The following LARGE1 variants were observed in gnomAD, a reference collection of about 807,000 sequenced individuals.
LARGE1 encodes LARGE xylosyl- and glucuronyltransferase 1.
LARGE1 carries 43 observed loss-of-function variants against 87.6 expected under a neutral mutation model. That is an observed-to-expected ratio of 0.49 (90% CI 0.38 to 0.63). The LOEUF is 0.63. Ranked by LOEUF, LARGE1 falls within the 30% of genes least tolerant of loss-of-function variation. LARGE1 has a pLI of 0.00. For missense variants in LARGE1, 802 were observed against 1,000.2 expected (o/e 0.80, Z 2.67); for synonymous variants, 434 against 394.6 (o/e 1.10, Z -1.18).
At chr22:33,394,821 A>T (rs1016937899) in intron 7 of LARGE1, among the ~76,000 whole-genome samples, 6 of 151,924 alleles carry the variant, frequency 3.9e-5, no homozygotes, top group Admixed American at 2.0e-4. Context: ...GCCAAAACAA[A>T]AGAGTAGCTC....
At chr22:33,501,857 T>C (rs915757842) in intron 6 of LARGE1, among the ~76,000 whole-genome samples, 14 of 152,128 alleles carry the variant, frequency 9.2e-5, no homozygotes, top group African/African-American at 3.1e-4. Context: ...ATGACAACCA[T>C]GTGCTATGAA....
intron 1 of LARGE1, among the ~76,000 whole-genome samples, chr22:33,817,380 T>C (rs573283205): frequency 6.6e-6 from 1 of 152,324 alleles, no homozygotes; most frequent in East Asian, 1.9e-4. Context: ...GAAATAGCTC[T>C]ATGAGGGAGT....
intron 6 of LARGE1, among the ~76,000 whole-genome samples, chr22:33,457,725 C>T (rs937884439): frequency 6.6e-6 from 1 of 152,084 alleles, no homozygotes; most frequent in Non-Finnish European, 1.5e-5. Context: ...GAGCCAAAGC[C>T]TTACAAGGGA....
chr22:33,701,123 C>T (rs2082393802), intron 2 of LARGE1, among the ~76,000 whole-genome samples: 1 of 152,060 alleles, frequency 6.6e-6, no homozygotes, highest in African/African-American at 2.4e-5. Flanking sequence ...ACCTGGATCA[C>T]ACTCGGAGTG....
chr22:33,842,486 T>C (rs1351692921), intron 1 of LARGE1, among the ~76,000 whole-genome samples: 2 of 152,198 alleles, frequency 1.3e-5, no homozygotes, highest in East Asian at 3.8e-4. Context: ...TGAGCAATTG[T>C]ACATTGCTTC....
At chr22:33,583,619 C>T (rs743730) in intron 5 of LARGE1, among the ~76,000 whole-genome samples, 29,049 of 152,158 alleles carry the variant, frequency 0.19, 2,822 homozygotes, top group Middle Eastern at 0.29. Flanking sequence ...CCATCTTCTG[C>T]CCCTGAGCCC....
chr22:33,323,582 C>T (rs778091000), intron 10 of LARGE1, among the ~76,000 whole-genome samples: 1 of 151,824 alleles, frequency 6.6e-6, no homozygotes, highest in Non-Finnish European at 1.5e-5. Flanking sequence ...GTTCCATGAA[C>T]GAAGCAGGCC....
At chr22:33,590,801 C>A (rs909117747) in intron 5 of LARGE1, among the ~76,000 whole-genome samples, 1 of 152,180 alleles carries the variant, frequency 6.6e-6, no homozygotes, top group Non-Finnish European at 1.5e-5. Flanking sequence ...AAAGCTGCCA[C>A]GAATATCCAC....
At position 33,205,948 on chromosome 22, in the gene LARGE1, C is replaced by CTTT. The variant is rs386395258; in HGVS notation, c.1731-39119_1731-39117dup. On this transcript the variant is annotated intron_variant, in intron 11 of 11. Transcript: ENST00000608642. ...TGCCCACTACCATGCCATGCTAATT[C>CTTT]TTTTTTTTTTTTTTTTTTTTTTGTG... Among the ~76,000 whole-genome samples, 394 of 84,854 alleles carry CTTT rather than the reference C, an allele frequency of 4.6e-3. 15 individuals carry two copies. The highest frequency in any genetic ancestry group is 9.6e-3 in the African/African-American group (204 of 21,176). The allele number at this position is 84,854 out of a possible 152,430, so 55.7% of individuals were successfully genotyped here. A position where few individuals can be genotyped will look rare whatever the true frequency, so the allele number is the denominator to read the frequency against.
At chr22:33,263,718 T>C (rs1218182860) in intron 11 of LARGE1, among the ~76,000 whole-genome samples, 1 of 152,226 alleles carries the variant, frequency 6.6e-6, no homozygotes, top group Non-Finnish European at 1.5e-5. Context: ...AATACATGCG[T>C]GCTGTTTGAA....
intron 6 of LARGE1, among the ~76,000 whole-genome samples, chr22:33,473,263 G>C (rs1034039250): frequency 1.4e-4 from 22 of 152,096 alleles, no homozygotes; most frequent in African/African-American, 4.8e-4. Context: ...CCGGCTCCCA[G>C]GTTCAAGCCA....
chr22:33,086,460 T>A, the LARGE1 span, among the ~76,000 whole-genome samples: 1 of 152,112 alleles, frequency 6.6e-6, no homozygotes, highest in Non-Finnish European at 1.5e-5. Flanking sequence ...TTCAATTTAT[T>A]CATATTTGAA....
At chr22:33,465,724 G>A (rs931507131) in intron 6 of LARGE1, among the ~76,000 whole-genome samples, 1 of 152,198 alleles carries the variant, frequency 6.6e-6, no homozygotes, top group Non-Finnish European at 1.5e-5. Context: ...CCCTGGCACA[G>A]ACAAAGTGCA....
At chr22:33,085,841 C>G in the LARGE1 span, among the ~76,000 whole-genome samples, 1 of 152,108 alleles carries the variant, frequency 6.6e-6, no homozygotes, top group Non-Finnish European at 1.5e-5. Context: ...GAATGTAAAT[C>G]ACAATGTCAT....
intron 5 of LARGE1, among the ~76,000 whole-genome samples, chr22:33,568,147 G>A (rs1296763668): frequency 3.3e-5 from 5 of 152,206 alleles, no homozygotes; most frequent in Non-Finnish European, 5.9e-5. Flanking sequence ...AATCCAGAGA[G>A]AATTGCTGTT....
At chr22:33,269,500 G>C (rs1928130753), downstream of LARGE1, among the ~76,000 whole-genome samples, 1 of 152,194 alleles carries the variant, frequency 6.6e-6, no homozygotes, top group Non-Finnish European at 1.5e-5. Context: ...AAAAAGTGCA[G>C]TGAAATTACT....
intron 2 of LARGE1, among the ~76,000 whole-genome samples, chr22:33,694,943 T>A (rs376124192): frequency 1.3e-5 from 2 of 152,316 alleles, no homozygotes; most frequent in East Asian, 3.9e-4. Flanking sequence ...AAGTGCTTAG[T>A]GAGCATCTTT....
At chr22:33,734,795 G>A (rs1383895407) in intron 2 of LARGE1, among the ~76,000 whole-genome samples, 6 of 152,106 alleles carry the variant, frequency 3.9e-5, no homozygotes, top group African/African-American at 4.8e-5. Context: ...TGGGAGAGTC[G>A]GTGGTCACGC....
intron 2 of LARGE1, among the ~76,000 whole-genome samples, chr22:33,651,525 T>G (rs2149189838): frequency 6.6e-6 from 1 of 152,304 alleles, no homozygotes; most frequent in African/African-American, 2.4e-5. Flanking sequence ...CTTCTTCCAT[T>G]TGCAGGCAAG....
Sources: allele counts gnomAD v4.1 joint callset (sites outside exome capture counted in the v4.1 genomes callset), GRCh38; gene constraint gnomAD v4.1.1; transcripts MANE v1.5; gene names NCBI Gene and HGNC (gene_info 2026-07-23, HGNC 2026-07-21).